IL15: variants seen among roughly 807,000 people sequenced by gnomAD.
IL15 encodes interleukin 15.
In IL15, 11 loss-of-function variants were observed where a neutral mutation model predicts 19.6. The observed-to-expected ratio is 0.56, with a 90% confidence interval of 0.35 to 0.93. The LOEUF (loss-of-function observed/expected upper bound fraction) is 0.93, where lower values mean the gene tolerates loss of function less well. Ranked by LOEUF, IL15 falls within the 40% of genes least tolerant of loss-of-function variation. The pLI is 0.01. For missense variants in IL15, 197 were observed against 186.5 expected (o/e 1.06, Z -0.33); for synonymous variants, 58 against 59.6 (o/e 0.97, Z 0.12).
At chr4:141,729,210 G>T (rs549270894) in intron 6 of IL15, among the ~76,000 whole-genome samples, 1 of 151,986 alleles carries the variant, frequency 6.6e-6, no homozygotes, top group Non-Finnish European at 1.5e-5. Flanking sequence ...GCAAGGTATC[G>T]AGGACACAAA....
chr4:141,661,467 G>A (rs1257494397), intron 2 of IL15, among the ~76,000 whole-genome samples: 3 of 152,144 alleles, frequency 2.0e-5, no homozygotes, highest in Non-Finnish European at 4.4e-5. Flanking sequence ...TGAGGAAGCT[G>A]GAGGAGCTCA....
intron 1 of IL15, among the ~76,000 whole-genome samples, chr4:141,654,283 C>A (rs568395827): frequency 6.6e-6 from 1 of 152,206 alleles, no homozygotes; most frequent in Admixed American, 6.5e-5. Flanking sequence ...AGGCCAGATT[C>A]CTGGAAGGGA....
chr4:141,684,541 G>A (rs1579017358), intron 2 of IL15, among the ~76,000 whole-genome samples: 1 of 152,144 alleles, frequency 6.6e-6, no homozygotes, highest in South Asian at 2.1e-4. Context: ...GCTTCAACCT[G>A]CCTATCCACA....
At chr4:141,705,944 T>G (rs1178295688) in intron 2 of IL15, among the ~76,000 whole-genome samples, 1 of 152,026 alleles carries the variant, frequency 6.6e-6, no homozygotes, top group Non-Finnish European at 1.5e-5. Flanking sequence ...CTTCTATCCC[T>G]CCACTTTCAG....
chr4:141,714,929 G>A (rs887559722), intron 2 of IL15: 3 of 152,052 alleles, frequency 2.0e-5, no homozygotes, highest in Non-Finnish European at 4.4e-5. Flanking sequence ...CGAGATTTAT[G>A]TATCCAATGG....
rs192344867 is a variant in IL15 at position 141,719,524 on chromosome 4, G to T, written c.12+48G>T. 13 of 1,350,728 alleles carry T rather than the reference G, an allele frequency of 9.6e-6. No homozygotes were observed. In the Admixed American group the frequency reaches 2.2e-4, roughly 23 times the overall value. 83.7% of individuals were successfully genotyped at this position (1,350,728 alleles called of 1,614,324 possible). A position where few individuals can be genotyped will look rare whatever the true frequency, so the allele number is the denominator to read the frequency against. Reference sequence around the variant, plus strand: ...ATATCCTATGGAATTTCCCTTAAAGGTCGTCTGAATCTCAGAGTCTTTGCA... The same window carrying T: ...ATATCCTATGGAATTTCCCTTAAAGTTCGTCTGAATCTCAGAGTCTTTGCA... On this transcript the variant is annotated intron_variant, in intron 3 of 7. Transcript: ENST00000320650.
chr4:141,722,059 G>C (rs1292138335), intron 5 of IL15, 51 bp downstream of exon 5: 3 of 1,482,300 alleles, frequency 2.0e-6, no homozygotes, highest in Non-Finnish European at 2.7e-6. Context: ...TATGGAGTTT[G>C]TCTCTCTCTG....
chr4:141,664,293 G>A (rs1727890584), intron 2 of IL15, among the ~76,000 whole-genome samples: 1 of 133,508 alleles, frequency 7.5e-6, no homozygotes, highest in African/African-American at 2.8e-5. Flanking sequence ...TCTAAAATAG[G>A]AAAAACAGAG....
At chr4:141,721,366 G>C (rs1002794909) in intron 4 of IL15, among the ~76,000 whole-genome samples, 1 of 152,120 alleles carries the variant, frequency 6.6e-6, no homozygotes, top group Non-Finnish European at 1.5e-5. Flanking sequence ...GTAAGTATAT[G>C]ATCATTCAGC....
chr4:141,665,092 C>T (rs1727924414), intron 2 of IL15, among the ~76,000 whole-genome samples: 1 of 151,770 alleles, frequency 6.6e-6, no homozygotes, highest in Admixed American at 6.6e-5. Context: ...TGTTAAGGAA[C>T]CAGTACATTT....
intron 2 of IL15, among the ~76,000 whole-genome samples, chr4:141,696,137 T>G (rs1729084429): frequency 2.0e-5 from 3 of 152,078 alleles, no homozygotes; most frequent in Non-Finnish European, 4.4e-5. Flanking sequence ...TATAGTCTAG[T>G]CTTATTTTTC....
In IL15 at chr4:141,686,979, T is replaced by A. The variant is rs953239440; in HGVS notation, c.-100+30672T>A. On this transcript the variant is annotated intron_variant, in intron 2 of 7. Coordinates refer to ENST00000320650, the MANE Select transcript of IL15 (RefSeq NM_000585.5). Reference sequence around the variant, plus strand: ...CATTCTTTAGCAAAGGGGATTGAAATTTATTAATTTTTTATTGTTGCTGGT... The same window carrying A: ...CATTCTTTAGCAAAGGGGATTGAAAATTATTAATTTTTTATTGTTGCTGGT... Among the ~76,000 whole-genome samples, 16 of 152,300 alleles carry A rather than the reference T, an allele frequency of 1.1e-4. No homozygotes were observed. In the East Asian group the frequency reaches 1.9e-3, roughly 18 times the overall value.
intron 2 of IL15, among the ~76,000 whole-genome samples, chr4:141,709,565 A>AT (rs148565257): frequency 0.018 from 2,706 of 150,140 alleles, 80 homozygotes; most frequent in African/African-American, 0.061. Context: ...CAAAACAACG[A>AT]TTTTTTTTTT....
intron 5 of IL15, among the ~76,000 whole-genome samples, chr4:141,726,421 A>G (rs1730266488): frequency 6.6e-6 from 1 of 152,188 alleles, no homozygotes; most frequent in Non-Finnish European, 1.5e-5. Context: ...TGATGATGCT[A>G]AGTAAATATA....
intron 1 of IL15, among the ~76,000 whole-genome samples, chr4:141,643,975 C>G (rs1213927052): frequency 2.0e-5 from 3 of 151,802 alleles, no homozygotes; most frequent in Non-Finnish European, 2.9e-5. Context: ...CAATTTCATT[C>G]TCTTAGTTCC....
intron 2 of IL15, among the ~76,000 whole-genome samples, chr4:141,682,876 C>T (rs1010039250): frequency 6.6e-6 from 1 of 151,450 alleles, no homozygotes; most frequent in Non-Finnish European, 1.5e-5. Context: ...GGCATGAACC[C>T]GGGAGGCAGA....
intron 1 of IL15, among the ~76,000 whole-genome samples, chr4:141,650,856 A>G (rs1034675562): frequency 6.6e-6 from 1 of 152,016 alleles, no homozygotes; most frequent in Non-Finnish European, 1.5e-5. Context: ...TTAAAGACAT[A>G]AAGTACCTTG....
At chr4:141,697,445 A>T (rs1729136702) in intron 2 of IL15, among the ~76,000 whole-genome samples, 1 of 152,096 alleles carries the variant, frequency 6.6e-6, no homozygotes, top group African/African-American at 2.4e-5. Flanking sequence ...AGATAATGTG[A>T]TGCCTCCAGA....
At chr4:141,689,630 G>A (rs1728840559) in intron 2 of IL15, among the ~76,000 whole-genome samples, 1 of 151,678 alleles carries the variant, frequency 6.6e-6, no homozygotes, top group Non-Finnish European at 1.5e-5. Flanking sequence ...GCTAGATAGT[G>A]TCGATTGGTG....
Sources: gnomAD v4.1 joint callset for allele counts (sites outside exome capture counted in the v4.1 genomes callset) on GRCh38, gnomAD v4.1.1 for gene constraint, MANE v1.5 for transcripts, NCBI Gene and HGNC (gene_info 2026-07-23, HGNC 2026-07-21) for gene names.